The following SCPPPQ1 variants were observed in gnomAD, a reference collection of about 807,000 sequenced individuals.
SCPPPQ1 encodes the protein secretory calcium-binding phosphoprotein proline-glutamine rich 1.
the SCPPPQ1 span, among the ~76,000 whole-genome samples, chr4:87,466,728 T>A: frequency 1.3e-5 from 2 of 152,106 alleles, no homozygotes; most frequent in African/African-American, 4.8e-5. Context: ...GATGTAGTTT[T>A]AAAATGTTTG....
the SCPPPQ1 span, among the ~76,000 whole-genome samples, chr4:87,468,268 TTTC>T: frequency 6.6e-6 from 1 of 152,262 alleles, no homozygotes; most frequent in African/African-American, 2.4e-5. Flanking sequence ...TTTATTTACA[TTTC>T]TTAAGATTAA....
chr4:87,462,162 A>T, the SCPPPQ1 span: 1 of 152,192 alleles, frequency 6.6e-6, no homozygotes, highest in African/African-American at 2.4e-5. Context: ...AATAATGTGG[A>T]ACTGTTAAAT....
At chr4:87,469,532 C>T in the SCPPPQ1 span, among the ~76,000 whole-genome samples, 46 of 152,132 alleles carry the variant, frequency 3.0e-4, no homozygotes, top group African/African-American at 1.0e-3. Flanking sequence ...GCTTTCTAGC[C>T]GAGAAATGCG....
the SCPPPQ1 span, among the ~76,000 whole-genome samples, chr4:87,470,148 G>T: frequency 4.0e-5 from 6 of 151,620 alleles, no homozygotes; most frequent in Non-Finnish European, 7.4e-5. Flanking sequence ...TAGAGATGGG[G>T]TCTTGCTATG....
At chr4:87,464,178 G>A in the SCPPPQ1 span, among the ~76,000 whole-genome samples, 4 of 152,054 alleles carry the variant, frequency 2.6e-5, no homozygotes, top group Non-Finnish European at 4.4e-5. Flanking sequence ...TATATTTACC[G>A]CGATAAGATC....
chr4:87,461,286 A>C, the SCPPPQ1 span, among the ~76,000 whole-genome samples: 1 of 152,206 alleles, frequency 6.6e-6, no homozygotes. Flanking sequence ...TTGGGATTTG[A>C]ATCATGGTCT....
At chr4:87,461,180 T>G in the SCPPPQ1 span, among the ~76,000 whole-genome samples, 3 of 152,254 alleles carry the variant, frequency 2.0e-5, no homozygotes, top group African/African-American at 7.2e-5. Flanking sequence ...TATTTCTTAA[T>G]TCTATCCACA....
the SCPPPQ1 span, among the ~76,000 whole-genome samples, chr4:87,468,836 T>G: frequency 6.6e-6 from 1 of 152,152 alleles, no homozygotes; most frequent in African/African-American, 2.4e-5. Context: ...ACAAATTGTT[T>G]GGAATTTTAG....
chr4:87,470,708 CTT>C, the SCPPPQ1 span, among the ~76,000 whole-genome samples: 5 of 152,178 alleles, frequency 3.3e-5, no homozygotes, highest in Non-Finnish European at 7.3e-5. Flanking sequence ...ATTATTAAGA[CTT>C]ATCTCCAGCA....
At chr4:87,464,463 C>T in the SCPPPQ1 span, among the ~76,000 whole-genome samples, 1 of 151,942 alleles carries the variant, frequency 6.6e-6, no homozygotes, top group African/African-American at 2.4e-5. Flanking sequence ...GATTATTAAA[C>T]CTATGATTAT....
the SCPPPQ1 span, among the ~76,000 whole-genome samples, chr4:87,469,886 C>T: frequency 6.5e-3 from 985 of 151,292 alleles, 43 homozygotes; most frequent in Admixed American, 0.06. Context: ...AGTTACAGTT[C>T]GGCCTATACA....
At chr4:87,464,063 G>A in the SCPPPQ1 span, among the ~76,000 whole-genome samples, 6 of 152,142 alleles carry the variant, frequency 3.9e-5, no homozygotes, top group South Asian at 4.1e-4. Flanking sequence ...CTCAGGTAGC[G>A]TTTGTTCTGT....
chr4:87,469,896 A>C, the SCPPPQ1 span, among the ~76,000 whole-genome samples: 4 of 150,406 alleles, frequency 2.7e-5, no homozygotes, highest in Non-Finnish European at 5.9e-5. Context: ...CGGCCTATAC[A>C]CTGTACATGT....
chr4:87,469,407 G>A, the SCPPPQ1 span, among the ~76,000 whole-genome samples: 1 of 152,180 alleles, frequency 6.6e-6, no homozygotes, highest in Non-Finnish European at 1.5e-5. Flanking sequence ...CATGGCATAT[G>A]GAGCTGAGAT....
the SCPPPQ1 span, among the ~76,000 whole-genome samples, chr4:87,469,185 A>T: frequency 2.4e-4 from 37 of 152,294 alleles, no homozygotes; most frequent in Admixed American, 1.8e-3. Flanking sequence ...TACAAATGAA[A>T]CTCAATTCAA....
the SCPPPQ1 span, among the ~76,000 whole-genome samples, chr4:87,465,740 CACTT>C: frequency 1.1e-4 from 16 of 152,064 alleles, no homozygotes; most frequent in African/African-American, 1.4e-4. Flanking sequence ...CAGTAAATGA[CACTT>C]AGAGAGCTCA....
chr4:87,466,829 T>G, the SCPPPQ1 span, among the ~76,000 whole-genome samples: 1 of 152,124 alleles, frequency 6.6e-6, no homozygotes, highest in Non-Finnish European at 1.5e-5. Flanking sequence ...AGTTTGAGAC[T>G]AGCCTGGGTG....
the SCPPPQ1 span, among the ~76,000 whole-genome samples, chr4:87,465,606 C>CTGTGAACA: frequency 7.8e-6 from 1 of 128,734 alleles, no homozygotes; most frequent in Non-Finnish European, 1.6e-5. Flanking sequence ...GTGAATGAAA[C>CTGTGAACA]TGTGAACACT....
the SCPPPQ1 span, among the ~76,000 whole-genome samples, chr4:87,469,137 C>G: frequency 6.1e-4 from 93 of 152,206 alleles, 1 homozygote. Flanking sequence ...ATGTAACAGC[C>G]TTTTAAGAAA....
Sources: gnomAD v4.1 joint callset for allele counts (sites outside exome capture counted in the v4.1 genomes callset) on GRCh38, gnomAD v4.1.1 for gene constraint, MANE v1.5 for transcripts, NCBI Gene and HGNC (gene_info 2026-07-23, HGNC 2026-07-21) for gene names.